Variants in ADCY1 observed in about 807,000 individuals in gnomAD.
The protein encoded by ADCY1 is adenylate cyclase type 1.
Under a neutral mutation model 105.4 loss-of-function variants are expected in ADCY1, and 28 were observed. That is an observed-to-expected ratio of 0.27 (90% CI 0.20 to 0.36). The LOEUF (loss-of-function observed/expected upper bound fraction) is 0.36, where lower values mean the gene tolerates loss of function less well. Ranked by LOEUF, ADCY1 falls within the 10% of genes least tolerant of loss-of-function variation. The probability of loss-of-function intolerance (pLI) is 1.00; values close to 1 mark genes in which losing one functional copy is unlikely to be tolerated. For missense variants in ADCY1, 977 were observed against 1,434.2 expected (o/e 0.68, Z 5.15); for synonymous variants, 655 against 623.8 (o/e 1.05, Z -0.75).
rs966112848 is a variant in ADCY1, at chr7:45,686,355, C to G, written c.2327+140C>G. On this transcript the variant is annotated intron_variant, in intron 13 of 19. Coordinates refer to ENST00000297323, the MANE Select transcript of ADCY1 (RefSeq NM_021116.4). This position sits in a 1 kb window ranked among gnomAD's most constrained non-coding sequence, Gnocchi z 4.3. Reference sequence around the variant, plus strand: ...ACAATTTTTAGTTTGGTGGCTGCTTCTCTTCAACCCAAGTTCTAGCAAGGA... The same window carrying G: ...ACAATTTTTAGTTTGGTGGCTGCTTGTCTTCAACCCAAGTTCTAGCAAGGA... The G allele has an allele frequency of 1.4e-6, 2 of 1,418,076 alleles. No homozygotes were observed. Among genetic ancestry groups the G allele is most frequent in the Non-Finnish European group, 1.9e-6 (2 of 1,059,230 alleles). The allele number at this position is 1,418,076 out of a possible 1,614,324, so 87.8% of individuals were successfully genotyped here. A position where few individuals can be genotyped will look rare whatever the true frequency, so the allele number is the denominator to read the frequency against.
chr7:45,646,234 G>A (rs935317305), intron 4 of ADCY1, among the ~76,000 whole-genome samples: 22 of 152,154 alleles, frequency 1.4e-4, no homozygotes, highest in Non-Finnish European at 1.0e-4. Context: ...TATGGCTTGA[G>A]AAGGCTGTCC....
At chr7:45,668,461 GC>G (rs1312097469) in intron 8 of ADCY1, among the ~76,000 whole-genome samples, 1 of 152,188 alleles carries the variant, frequency 6.6e-6, no homozygotes. Flanking sequence ...AACCAGCCTT[GC>G]ATCCCAGGGA....
In ADCY1 at chr7:45,591,734, C is replaced by T. The variant is rs781739980; in HGVS notation, c.640-1025C>T. Among the ~76,000 whole-genome samples the T allele has an allele frequency of 3.9e-5, 6 of 152,206 alleles. No individual in the cohort carries two copies. The highest frequency in any genetic ancestry group is 3.2e-3 in the Middle Eastern group (1 of 316). On this transcript the variant is annotated intron_variant, in intron 1 of 19. Coordinates refer to ENST00000297323, the MANE Select transcript of ADCY1 (RefSeq NM_021116.4). The surrounding 1 kb of genome is among the most constrained non-coding windows in gnomAD (Gnocchi z 4.1). Reference sequence around the variant, plus strand: ...TGTCCAGACCCAGTGGTCTGCAAGACGTAGAGACAGATCAGATGAGGAGAC... The same window carrying T: ...TGTCCAGACCCAGTGGTCTGCAAGATGTAGAGACAGATCAGATGAGGAGAC...
intron 5 of ADCY1, among the ~76,000 whole-genome samples, chr7:45,652,341 C>T (rs114689390): frequency 0.03 from 4,609 of 152,232 alleles, 73 homozygotes; most frequent in African/African-American, 0.038. Context: ...ATGCAGATTC[C>T]GTGGTTCCAG....
At position 45,657,905 on chromosome 7, in the gene ADCY1, GGGA is replaced by G; in HGVS notation, c.1307+23_1307+25del. On this transcript the variant is annotated intron_variant, in intron 6 of 19. Transcript: ENST00000297323. Reference sequence around the variant, plus strand: ...GCCAGGGTAAGTCGGGGATGGGGTGGGGAGGGGAGGGAGGTGGGTGATGGCTGT... The same window carrying G: ...GCCAGGGTAAGTCGGGGATGGGGTGGGGGGAGGGAGGTGGGTGATGGCTGT... The G allele has an allele frequency of 1.3e-6, 2 of 1,552,920 alleles. No homozygotes were observed. The highest frequency in any genetic ancestry group is 3.6e-5 in the Admixed American group (2 of 55,584).
At chr7:45,581,331 CTAGT>C (rs571592698) in intron 1 of ADCY1, among the ~76,000 whole-genome samples, 55 of 152,300 alleles carry the variant, frequency 3.6e-4, no homozygotes, top group African/African-American at 1.2e-3. Flanking sequence ...TGATGACCTA[CTAGT>C]TAGTCTGTGA....
At chr7:45,576,501 C>G (rs967484849) in intron 1 of ADCY1, among the ~76,000 whole-genome samples, 1 of 151,868 alleles carries the variant, frequency 6.6e-6, no homozygotes, top group Non-Finnish European at 1.5e-5. Context: ...AAGAGGGCGT[C>G]GGAGGAAGAG....
intron 14 of ADCY1, among the ~76,000 whole-genome samples, chr7:45,697,081 T>C (rs1447695829): frequency 6.6e-6 from 1 of 152,220 alleles, no homozygotes; most frequent in Admixed American, 6.5e-5. Flanking sequence ...GTCTGACATT[T>C]TACCCTGGAA....
intron 5 of ADCY1, among the ~76,000 whole-genome samples, chr7:45,650,554 G>C (rs2116068267): frequency 6.6e-6 from 1 of 152,290 alleles, no homozygotes; most frequent in Admixed American, 6.5e-5. Context: ...TGACCTGGCT[G>C]ACCAGGTGGC....
At chr7:45,691,812 A>G (rs1393232368) in intron 14 of ADCY1, among the ~76,000 whole-genome samples, 1 of 152,188 alleles carries the variant, frequency 6.6e-6, no homozygotes, top group African/African-American at 2.4e-5. Flanking sequence ...ATAGACATGG[A>G]ATTTCTGGTG....
Position 45,574,978 on chromosome 7 carries a change from C to G in ADCY1, c.435C>G (p.Pro145=). Residue 145 remains proline, a synonymous_variant, in exon 1 of 20, where the codon CCC becomes CCG. Transcript: ENST00000297323. The surrounding 1 kb of genome is among the most constrained non-coding windows in gnomAD (Gnocchi z 7.0). Reference sequence around the variant, plus strand: ...GCTGTCCTTTCGCGCTGGGCGGCCCCGCCCGGGGTTCCGCCGGGGCCGCTG... The same window carrying G: ...GCTGTCCTTTCGCGCTGGGCGGCCCGGCCCGGGGTTCCGCCGGGGCCGCTG... ...LLCCPFALGG[P]ARGSAGAAGG... 1 of 1,610,922 alleles carries G rather than the reference C, an allele frequency of 6.2e-7. No individual in the cohort carries two copies. Among genetic ancestry groups the G allele is most frequent in the Non-Finnish European group, 8.5e-7 (1 of 1,179,046 alleles).
chr7:45,604,559 G>A (rs1000436206), intron 2 of ADCY1, among the ~76,000 whole-genome samples: 1 of 152,154 alleles, frequency 6.6e-6, no homozygotes, highest in African/African-American at 2.4e-5. Context: ...TCAAGTTGCT[G>A]TAGCATTTGT....
At chr7:45,643,096 T>C (rs1187686636) in intron 4 of ADCY1, among the ~76,000 whole-genome samples, 1 of 151,486 alleles carries the variant, frequency 6.6e-6, no homozygotes, top group Non-Finnish European at 1.5e-5. Flanking sequence ...CTGTTCAGGT[T>C]ACTTTCTGTT....
chr7:45,586,216 T>C (rs1381722004), intron 1 of ADCY1, among the ~76,000 whole-genome samples: 1 of 151,982 alleles, frequency 6.6e-6, no homozygotes, highest in Non-Finnish European at 1.5e-5. Flanking sequence ...AGGGGCACCA[T>C]GGAGGAACAG....
At chr7:45,670,681 C>G (rs1360470423) in intron 8 of ADCY1, among the ~76,000 whole-genome samples, 1 of 151,680 alleles carries the variant, frequency 6.6e-6, no homozygotes, top group African/African-American at 2.4e-5. Context: ...GGACCTGTGC[C>G]CATCAGCCCT....
Position 45,708,366 on chromosome 7 carries a change from C to G in ADCY1, c.2834C>G (p.Ser945Cys). 1 of 1,614,118 alleles carries G rather than the reference C, an allele frequency of 6.2e-7. No homozygotes were observed. The highest frequency in any genetic ancestry group is 2.2e-5 in the East Asian group (1 of 44,892). The part of the protein sequence containing the change: ...TSGTKAKKSI[S>C]SHLSTLADFA... The stretch of plus-strand genomic sequence containing the variant: ...TACACCTAGGCTAAGAAGTCCATCT[C>G]CTCCCACCTGAGCACGCTGGCGGAC... The change falls in exon 18 of 20, where the codon TCC becomes TGC. Residue 945 changes from serine to cysteine, a missense_variant. Around this residue, in one of 7 missense-constraint regions of ADCY1, gnomAD observed 152 missense variants for 293.7 expected, o/e 0.52. Coordinates refer to ENST00000297323, the MANE Select transcript of ADCY1 (RefSeq NM_021116.4). This position sits in a 1 kb window ranked among gnomAD's most constrained non-coding sequence, Gnocchi z 4.7.
chr7:45,674,947 G>T (rs1190295023), intron 8 of ADCY1, among the ~76,000 whole-genome samples: 1 of 152,066 alleles, frequency 6.6e-6, no homozygotes, highest in Non-Finnish European at 1.5e-5. Flanking sequence ...TTTGAAGTAA[G>T]TTTCTTTAAA....
intron 4 of ADCY1, among the ~76,000 whole-genome samples, chr7:45,633,800 CAAAA>C (rs754127020): frequency 8.1e-5 from 4 of 49,508 alleles, no homozygotes; most frequent in African/African-American, 2.0e-4. Context: ...GACATCATCG[CAAAA>C]AAAAAAAAAA....
At chr7:45,605,296 T>C (rs1280637538) in intron 2 of ADCY1, among the ~76,000 whole-genome samples, 1 of 152,202 alleles carries the variant, frequency 6.6e-6, no homozygotes. Flanking sequence ...TTTATTTCTT[T>C]CTTTCCAATC....
Sources: gnomAD v4.1 joint callset for allele counts (sites outside exome capture counted in the v4.1 genomes callset) on GRCh38, gnomAD v4.1.1 for gene constraint, gnomAD v4.1.1 regional missense constraint, Gnocchi (gnomAD v3.1) non-coding constraint, MANE v1.5 for transcripts, NCBI Gene and HGNC (gene_info 2026-07-23, HGNC 2026-07-21) for gene names.